PLCG2: variants seen among roughly 807,000 people sequenced by gnomAD.
PLCG2 encodes 1-phosphatidylinositol 4,5-bisphosphate phosphodiesterase gamma-2.
Under a neutral mutation model 175.6 loss-of-function variants are expected in PLCG2, and 69 were observed. That is an observed-to-expected ratio of 0.39 (90% CI 0.32 to 0.48). PLCG2 has a LOEUF of 0.48. Among genes scored for constraint, PLCG2 ranks in the 20% least tolerant of loss-of-function variants. The pLI is 0.91. For synonymous variants in PLCG2, 827 were observed against 624.0 expected (o/e 1.33, Z -4.85); for missense variants, 1,798 against 1,650.9 (o/e 1.09, Z -1.54).
At position 81,961,418 on chromosome 16, in the gene PLCG2, A is replaced by C. The variant is rs116392731; in HGVS notation, c.*3420A>C. 63 of 226,848 alleles carry C rather than the reference A, an allele frequency of 2.8e-4. No homozygotes were observed. Among genetic ancestry groups the C allele is most frequent in the African/African-American group, 1.4e-3 (63 of 45,120 alleles). 14.1% of individuals were successfully genotyped at this position (226,848 alleles called of 1,614,324 possible). A position where few individuals can be genotyped will look rare whatever the true frequency, so the allele number is the denominator to read the frequency against. ...TTTACTATGTTTAATAATTTAGTGA[A>C]ATTTGGGCTATGTGTTTATTGATTC... On this transcript the variant is annotated 3_prime_UTR_variant, in exon 33 of 33. Coordinates refer to ENST00000564138, the MANE Select transcript of PLCG2 (RefSeq NM_002661.5).
At chr16:81,758,069 G>A (rs560610679) in intron 2 of PLCG2, among the ~76,000 whole-genome samples, 1 of 152,166 alleles carries the variant, frequency 6.6e-6, no homozygotes, top group South Asian at 2.1e-4. Flanking sequence ...TCCACCTCAC[G>A]GGCTCAAGCG....
chr16:81,792,734 AC>A (rs1420767117), intron 2 of PLCG2, among the ~76,000 whole-genome samples: 1 of 152,050 alleles, frequency 6.6e-6, no homozygotes, highest in Non-Finnish European at 1.5e-5. Flanking sequence ...GAATTTACTC[AC>A]TATCACGAGA....
intron 2 of PLCG2, among the ~76,000 whole-genome samples, chr16:81,853,063 G>A (rs1208854815): frequency 6.6e-6 from 1 of 152,202 alleles, no homozygotes; most frequent in African/African-American, 2.4e-5. Flanking sequence ...GGGCCCGCTG[G>A]CTCACGCCTG....
At chr16:81,921,508 A>C in intron 21 of PLCG2, 1 of 530,008 alleles carries the variant, frequency 1.9e-6, no homozygotes, top group Non-Finnish European at 3.4e-6. Context: ...CTGAGGTTTG[A>C]CGAACCACCT....
intron 1 of PLCG2, among the ~76,000 whole-genome samples, chr16:81,751,241 A>G (rs1478371121): frequency 1.3e-5 from 2 of 152,074 alleles, no homozygotes; most frequent in East Asian, 1.9e-4. Flanking sequence ...TCAGCCTCCC[A>G]TAGTGCTGGG....
chr16:81,742,166 C>T (rs750174538), intron 1 of PLCG2, among the ~76,000 whole-genome samples: 3 of 107,234 alleles, frequency 2.8e-5, no homozygotes, highest in East Asian at 2.2e-4. Context: ...GGGGGGGGGG[C>T]GGTGTTGGCT....
chr16:81,917,541 A>T (rs1473126965), intron 19 of PLCG2, among the ~76,000 whole-genome samples: 4 of 152,098 alleles, frequency 2.6e-5, no homozygotes, highest in Non-Finnish European at 5.9e-5. Context: ...TTTTCTCCAC[A>T]TCCCCACCAG....
chr16:81,769,843 A>AAG (rs1383776479), intron 2 of PLCG2, among the ~76,000 whole-genome samples: 1 of 135,634 alleles, frequency 7.4e-6, no homozygotes, highest in African/African-American at 2.8e-5. Flanking sequence ...AAAAAAAAAA[A>AAG]AAAGAAAAAG....
At chr16:81,883,469 C>A in intron 9 of PLCG2, 128 bp downstream of exon 9, 1 of 687,650 alleles carries the variant, frequency 1.5e-6, no homozygotes, top group Non-Finnish European at 2.6e-6. Flanking sequence ...CTCACCTGGC[C>A]ACCTGTCTTC....
chr16:81,905,549 C>G (rs775615381), intron 15 of PLCG2, 42 bp downstream of exon 15: 2 of 1,267,154 alleles, frequency 1.6e-6, no homozygotes, highest in East Asian at 2.3e-5. Context: ...GGCCACGCCC[C>G]TTGCAGCTGC....
intron 8 of PLCG2, among the ~76,000 whole-genome samples, chr16:81,881,199 G>T (rs906793170): frequency 1.3e-5 from 2 of 152,208 alleles, no homozygotes; most frequent in Admixed American, 6.5e-5. Context: ...GTGTGCCTCA[G>T]GGCCTCCTTT....
intron 2 of PLCG2, among the ~76,000 whole-genome samples, chr16:81,804,763 G>A (rs1196262902): frequency 6.6e-6 from 1 of 152,168 alleles, no homozygotes; most frequent in East Asian, 1.9e-4. Flanking sequence ...GAGCTCCTCT[G>A]CCTCCTCTTT....
chr16:81,866,543 C>A (rs1444968581), intron 5 of PLCG2, among the ~76,000 whole-genome samples: 1 of 87,886 alleles, frequency 1.1e-5, no homozygotes, highest in Non-Finnish European at 2.8e-5. Context: ...ATGAGCTCCA[C>A]TGGGGCACCA....
intron 31 of PLCG2, among the ~76,000 whole-genome samples, chr16:81,952,289 GAATA>G (rs745567768): frequency 1.8e-4 from 27 of 152,026 alleles, no homozygotes; most frequent in Non-Finnish European, 3.1e-4. Context: ...ACACGTAGAT[GAATA>G]AATGTGTGTG....
intron 1 of PLCG2, among the ~76,000 whole-genome samples, chr16:81,782,532 T>G (rs1416532604): frequency 6.6e-6 from 1 of 152,202 alleles, no homozygotes; most frequent in Non-Finnish European, 1.5e-5. Context: ...CTGAGCTGGG[T>G]GCTGGCAGGA....
At chr16:81,818,131 G>A (rs4889406) in intron 2 of PLCG2, among the ~76,000 whole-genome samples, 1 of 152,180 alleles carries the variant, frequency 6.6e-6, no homozygotes, top group African/African-American at 2.4e-5. Context: ...GCTCTCGTGA[G>A]TATTCAGCCA....
At chr16:81,834,484 C>T (rs761723120) in intron 2 of PLCG2, among the ~76,000 whole-genome samples, 3 of 152,084 alleles carry the variant, frequency 2.0e-5, no homozygotes, top group East Asian at 1.9e-4. Context: ...TCCCCTTCTG[C>T]AAAATGGAGT....
intron 1 of PLCG2, among the ~76,000 whole-genome samples, chr16:81,744,058 C>G (rs1259106340): frequency 6.6e-6 from 1 of 151,912 alleles, no homozygotes; most frequent in African/African-American, 2.4e-5. Context: ...CAGGGTTTCA[C>G]TGTGTTGGCC....
intron 2 of PLCG2, among the ~76,000 whole-genome samples, chr16:81,771,670 AC>A (rs773908190): frequency 9.1e-4 from 127 of 140,316 alleles, no homozygotes; most frequent in Middle Eastern, 3.7e-3. Context: ...TTGAATTGTG[AC>A]CCCCCCCAAC....
Sources: allele counts gnomAD v4.1 joint callset (sites outside exome capture counted in the v4.1 genomes callset), GRCh38; gene constraint gnomAD v4.1.1; transcripts MANE v1.5; gene names NCBI Gene and HGNC (gene_info 2026-07-23, HGNC 2026-07-21).